The following CCDC170 variants were observed in gnomAD, a reference collection of about 807,000 sequenced individuals.
CCDC170 encodes coiled-coil domain-containing protein 170.
In CCDC170, 69 loss-of-function variants were observed where a neutral mutation model predicts 72.6. That is an observed-to-expected ratio of 0.95 (90% CI 0.78 to 1.16). The LOEUF (loss-of-function observed/expected upper bound fraction) is 1.16. Ranked by LOEUF, CCDC170 falls within the 50% of genes most tolerant of loss-of-function variation. CCDC170 has a pLI of 0.00. For synonymous variants in CCDC170, 300 were observed against 303.9 expected (o/e 0.99, Z 0.13); for missense variants, 852 against 832.5 (o/e 1.02, Z -0.29).
intron 5 of CCDC170, among the ~76,000 whole-genome samples, chr6:151,558,163 CCTATTCATGTCTATTCATGTT>C (rs1228814123): frequency 6.6e-6 from 1 of 150,452 alleles, no homozygotes; most frequent in East Asian, 1.9e-4. Flanking sequence ...CTATTCATGT[CCTATTCATGTCTATTCATGTT>C]CTATTCATGT....
chr6:151,578,404 G>T (rs1374062058), intron 6 of CCDC170, among the ~76,000 whole-genome samples: 1 of 152,154 alleles, frequency 6.6e-6, no homozygotes, highest in Non-Finnish European at 1.5e-5. Context: ...CTCAGGCATT[G>T]CATTCTTTGT....
chr6:151,529,396 C>T (rs538724329), intron 1 of CCDC170, among the ~76,000 whole-genome samples: 118 of 152,280 alleles, frequency 7.7e-4, no homozygotes, highest in Non-Finnish European at 1.0e-3. Context: ...TAGTGACTCA[C>T]ACCTGTAATC....
intron 7 of CCDC170, among the ~76,000 whole-genome samples, chr6:151,591,026 A>G (rs1162215043): frequency 6.6e-6 from 1 of 152,182 alleles, no homozygotes; most frequent in African/African-American, 2.4e-5. Flanking sequence ...AATAAGTGAT[A>G]TTTGCAATGA....
intron 9 of CCDC170, among the ~76,000 whole-genome samples, chr6:151,614,054 T>A (rs1583052696): frequency 6.6e-6 from 1 of 152,246 alleles, no homozygotes; most frequent in South Asian, 2.1e-4. Flanking sequence ...TAATGATCAG[T>A]GAAAACAATT....
intron 9 of CCDC170, among the ~76,000 whole-genome samples, chr6:151,609,028 G>A (rs1776828726): frequency 6.6e-6 from 1 of 152,068 alleles, no homozygotes; most frequent in Admixed American, 6.5e-5. Context: ...AGCTGATCCT[G>A]GCTGACTGCT....
At chr6:151,558,887 G>A (rs1401303361) in intron 5 of CCDC170, among the ~76,000 whole-genome samples, 1 of 151,676 alleles carries the variant, frequency 6.6e-6, no homozygotes, top group Non-Finnish European at 1.5e-5. Context: ...GGTCTTTTGT[G>A]GATCAATAGA....
intron 9 of CCDC170, among the ~76,000 whole-genome samples, chr6:151,611,244 C>G (rs568812963): frequency 5.4e-4 from 73 of 135,428 alleles, no homozygotes; most frequent in Middle Eastern, 4.1e-3. Flanking sequence ...CACTTCACTC[C>G]AGTCTGGGTG....
At chr6:151,503,365 T>C (rs1241344250) in intron 1 of CCDC170, among the ~76,000 whole-genome samples, 1 of 152,130 alleles carries the variant, frequency 6.6e-6, no homozygotes, top group Non-Finnish European at 1.5e-5. Context: ...CCCAAGGAGA[T>C]AACATGCTGA....
intron 5 of CCDC170, among the ~76,000 whole-genome samples, chr6:151,561,629 AG>A (rs1414722594): frequency 6.6e-6 from 1 of 151,930 alleles, no homozygotes; most frequent in Non-Finnish European, 1.5e-5. Flanking sequence ...CCTTTTTTCT[AG>A]GGGCCTTTAA....
At chr6:151,540,516 G>C (rs1782671906) in intron 3 of CCDC170, among the ~76,000 whole-genome samples, 1 of 150,106 alleles carries the variant, frequency 6.7e-6, no homozygotes, top group Non-Finnish European at 1.5e-5. Context: ...CTCCCAAGTA[G>C]CTGGGATTAT....
chr6:151,550,356 G>A (rs1433262918), intron 5 of CCDC170, among the ~76,000 whole-genome samples: 1 of 152,196 alleles, frequency 6.6e-6, no homozygotes, highest in Non-Finnish European at 1.5e-5. Flanking sequence ...AGGCTGAGGA[G>A]GGGCCTGGGG....
intron 9 of CCDC170, among the ~76,000 whole-genome samples, chr6:151,610,405 G>A (rs1436248259): frequency 6.6e-6 from 1 of 152,094 alleles, no homozygotes; most frequent in Non-Finnish European, 1.5e-5. Context: ...ATAGTATAAT[G>A]GATACTCTTT....
At chr6:151,566,438 C>T (rs1291242127) in intron 5 of CCDC170, among the ~76,000 whole-genome samples, 2 of 151,708 alleles carry the variant, frequency 1.3e-5, no homozygotes, top group African/African-American at 2.4e-5. Context: ...TATTTCCAGT[C>T]CATTGCTGAC....
At chr6:151,586,193 G>A in intron 7 of CCDC170, 104 bp downstream of exon 7, 1 of 1,139,446 alleles carries the variant, frequency 8.8e-7, no homozygotes, top group Non-Finnish European at 1.2e-6. Flanking sequence ...GTTAAGTCCT[G>A]GACTTAATTG....
At chr6:151,560,653 G>A (rs1583026714) in intron 5 of CCDC170, among the ~76,000 whole-genome samples, 2 of 152,194 alleles carry the variant, frequency 1.3e-5, no homozygotes, top group South Asian at 4.2e-4. Flanking sequence ...GAATCTGTGT[G>A]CATATATATT....
chr6:151,571,304 A>C (rs9383927), intron 5 of CCDC170, among the ~76,000 whole-genome samples: 1 of 134,656 alleles, frequency 7.4e-6, no homozygotes, highest in East Asian at 2.2e-4. Context: ...TTTACCTCTA[A>C]CATACTATTT....
chr6:151,598,092 C>T (rs760630318), intron 9 of CCDC170, among the ~76,000 whole-genome samples: 15 of 152,110 alleles, frequency 9.9e-5, no homozygotes, highest in African/African-American at 2.9e-4. Context: ...AAGGGGAGAA[C>T]GGGCACCCCC....
intron 10 of CCDC170, among the ~76,000 whole-genome samples, chr6:151,616,826 A>G (rs946703501): frequency 6.6e-6 from 1 of 152,114 alleles, no homozygotes; most frequent in African/African-American, 2.4e-5. Flanking sequence ...TGGTGGAAGG[A>G]GCAAGGCAGC....
intron 5 of CCDC170, among the ~76,000 whole-genome samples, chr6:151,549,049 A>C (rs6557148): frequency 6.6e-6 from 1 of 151,910 alleles, no homozygotes; most frequent in Non-Finnish European, 1.5e-5. Context: ...ACAGGGGCCC[A>C]CCACCACACC....
Sources: allele counts gnomAD v4.1 joint callset (sites outside exome capture counted in the v4.1 genomes callset), GRCh38; gene constraint gnomAD v4.1.1; transcripts MANE v1.5; gene names NCBI Gene and HGNC (gene_info 2026-07-23, HGNC 2026-07-21).